The following FER1L6 variants were observed in gnomAD, a reference collection of about 807,000 sequenced individuals.
FER1L6 encodes fer-1 like family member 6, also known as fer-1-like protein 6.
Under a neutral mutation model 219.2 loss-of-function variants are expected in FER1L6, and 177 were observed. That is an observed-to-expected ratio of 0.81 (90% CI 0.71 to 0.91). The LOEUF (loss-of-function observed/expected upper bound fraction) is 0.91, where lower values mean the gene tolerates loss of function less well. Ranked by LOEUF, FER1L6 falls within the 40% of genes least tolerant of loss-of-function variation. FER1L6 has a pLI of 0.00. For synonymous variants in FER1L6, 768 were observed against 824.3 expected, an observed-to-expected ratio of 0.93 and a Z score of 1.17; for missense variants, 2,153 against 2,259.9, an observed-to-expected ratio of 0.95 and a Z score of 0.96.
chr8:124,014,029 C>T (rs1818066740), intron 15 of FER1L6, among the ~76,000 whole-genome samples: 1 of 151,778 alleles, frequency 6.6e-6, no homozygotes, highest in South Asian at 2.1e-4. Context: ...TGAGGGAAAA[C>T]CTTCCCTCCT....
chr8:123,934,551 G>C (rs1395108814), intron 1 of FER1L6, among the ~76,000 whole-genome samples: 1 of 149,362 alleles, frequency 6.7e-6, no homozygotes, highest in African/African-American at 2.5e-5. Context: ...TTTTTTCCTA[G>C]AGAAGCACTT....
At chr8:123,969,548 A>G (rs1815701861) in intron 5 of FER1L6, among the ~76,000 whole-genome samples, 1 of 152,204 alleles carries the variant, frequency 6.6e-6, no homozygotes, top group African/African-American at 2.4e-5. Context: ...TCTATTCAAA[A>G]GTTATATGCA....
chr8:124,010,859 T>C, intron 14 of FER1L6, 145 bp downstream of exon 14: 1 of 1,162,378 alleles, frequency 8.6e-7, no homozygotes, highest in South Asian at 1.6e-5. Flanking sequence ...ACGTGGATCC[T>C]ACTATGCAAA....
intron 1 of FER1L6, among the ~76,000 whole-genome samples, chr8:123,909,222 AGCC>A (rs1813008554): frequency 6.6e-6 from 1 of 152,158 alleles, no homozygotes; most frequent in Admixed American, 6.5e-5. Flanking sequence ...GAAAGCTGCA[AGCC>A]AAGCTTGGGA....
chr8:123,971,437 T>C (rs957900795), intron 6 of FER1L6, among the ~76,000 whole-genome samples: 9 of 152,280 alleles, frequency 5.9e-5, no homozygotes, highest in Admixed American at 2.6e-4. Context: ...ATCAGCTCCA[T>C]AGGAGGCTTC....
chr8:123,912,013 T>C (rs1813055230), intron 1 of FER1L6, among the ~76,000 whole-genome samples: 1 of 152,142 alleles, frequency 6.6e-6, no homozygotes, highest in African/African-American at 2.4e-5. Context: ...CTGTTTGGCA[T>C]GGAGTGAGCA....
Position 124,064,348 on chromosome 8 carries a change from T to G in FER1L6, c.3330T>G (p.Asp1110Glu), listed in dbSNP as rs7012186. The G allele has an allele frequency of 0.84, 1,353,660 of 1,612,050 alleles. 570,219 individuals are homozygous for G. The highest frequency in any genetic ancestry group is 0.86 in the Non-Finnish European group (1,008,613 of 1,179,088). The stretch of plus-strand genomic sequence containing the variant: ...TGACCTGATGTGCTTTCATTTCAGA[T>G]ATTTCAGATTCGCTAACAGCCACTG... ...TQVDGTQPGH[D>E]ISDSLTATES... Residue 1110 changes from aspartate to glutamate, a missense_variant and splice_region_variant, in exon 26 of 41, where the codon GAT (aspartate) becomes GAG (glutamate). By Grantham distance (45) the Asp-to-Glu change is conservative (BLOSUM62 2). Coordinates refer to ENST00000522917, the MANE Select transcript of FER1L6 (RefSeq NM_001039112.2).
chr8:123,852,532 G>A lies in FER1L6; in HGVS notation c.-8+347G>A, dbSNP rs1816532015. 6.6e-6 allele frequency among the ~76,000 whole-genome samples: 1 copy of A among 151,132 alleles called. No homozygotes were observed. The highest frequency in any genetic ancestry group is 6.6e-5 in the Admixed American group (1 of 15,172). ...TGTGTGTTTGACAGAGACAGAGGGAGGAGAAAGAAGAGAGACTGGTAAAAT... is the reference window on the plus strand; with the variant it reads ...TGTGTGTTTGACAGAGACAGAGGGAAGAGAAAGAAGAGAGACTGGTAAAAT... On this transcript the variant is annotated intron_variant, in intron 1 of 40. Transcript: ENST00000522917. The surrounding 1 kb of genome is among the most constrained non-coding windows in gnomAD (Gnocchi z 4.9).
rs1212506229 is a variant in FER1L6, at chr8:123,976,020, C to T, written c.806C>T (p.Ala269Val). The T allele has an allele frequency of 5.6e-6, 9 of 1,613,972 alleles. No individual in the cohort carries two copies. The highest frequency in any genetic ancestry group is 5.9e-6 in the Non-Finnish European group (7 of 1,179,958). ...AGCATCATGGCGAACGTCACCAAGGCATTTGTGGGTGACAGTAAGGACCTG... is the reference window on the plus strand; with the variant it reads ...AGCATCATGGCGAACGTCACCAAGGTATTTGTGGGTGACAGTAAGGACCTG... ...NSSIMANVTK[A>V]FVGDSKDLVD... The change falls in exon 9 of 41, where the codon GCA (alanine) becomes GTA (valine). Residue 269 changes from alanine to valine, a missense_variant. By Grantham distance (64) the Ala-to-Val change is moderately conservative. Transcript: ENST00000522917.
At chr8:124,100,501 A>T (rs575888809) in intron 37 of FER1L6, among the ~76,000 whole-genome samples, 1 of 152,234 alleles carries the variant, frequency 6.6e-6, no homozygotes. Flanking sequence ...TAAGTGATAC[A>T]GTCAGAGTTG....
chr8:123,980,839 T>G, intron 11 of FER1L6, 28 bp downstream of exon 11: 1 of 1,569,618 alleles, frequency 6.4e-7, no homozygotes, highest in Non-Finnish European at 8.7e-7. Flanking sequence ...ATTATGGTAC[T>G]TTACCTATGA....
intron 1 of FER1L6, among the ~76,000 whole-genome samples, chr8:123,859,360 C>A (rs1167571563): frequency 6.6e-6 from 1 of 151,842 alleles, no homozygotes; most frequent in Admixed American, 6.6e-5. Flanking sequence ...AAGAGTCAGT[C>A]AAGCTAATCC....
At chr8:123,980,434 A>G (rs756642524) in intron 10 of FER1L6, 31 bp from the exon 11 acceptor site, 3 of 1,526,570 alleles carry the variant, frequency 2.0e-6, no homozygotes, top group Non-Finnish European at 2.7e-6. Context: ...CAAAAACATA[A>G]TGAGATAACT....
intron 1 of FER1L6, among the ~76,000 whole-genome samples, chr8:123,859,389 C>T (rs140918217): frequency 3.2e-4 from 49 of 152,244 alleles, no homozygotes; most frequent in East Asian, 5.8e-4. Flanking sequence ...ACCAATTTAT[C>T]GCTTTTTTGT....
intron 1 of FER1L6, among the ~76,000 whole-genome samples, chr8:123,885,004 G>C (rs545940723): frequency 3.3e-4 from 51 of 152,272 alleles, no homozygotes; most frequent in Admixed American, 1.0e-3. Flanking sequence ...AAAGAGAAAA[G>C]AACCAACAGA....
At chr8:123,925,518 A>T (rs1381853255) in intron 1 of FER1L6, among the ~76,000 whole-genome samples, 1 of 152,242 alleles carries the variant, frequency 6.6e-6, no homozygotes, top group Non-Finnish European at 1.5e-5. Flanking sequence ...CAATTTTGTA[A>T]TTTTGGTGGC....
chr8:124,041,467 G>A (rs894652500), intron 20 of FER1L6, among the ~76,000 whole-genome samples: 1 of 152,162 alleles, frequency 6.6e-6, no homozygotes, highest in Admixed American at 6.5e-5. Context: ...CACATTCATT[G>A]AACCAGTGCC....
chr8:123,971,653 C>T (rs1815820670), intron 6 of FER1L6, among the ~76,000 whole-genome samples: 1 of 152,144 alleles, frequency 6.6e-6, no homozygotes, highest in Admixed American at 6.5e-5. Context: ...TAAAATCTTC[C>T]CTTGAGAGGG....
chr8:123,870,265 G>T (rs1816903465), intron 1 of FER1L6, among the ~76,000 whole-genome samples: 1 of 152,164 alleles, frequency 6.6e-6, no homozygotes, highest in South Asian at 2.1e-4. Context: ...GCTAAATATA[G>T]TCCTAACATA....
Sources: allele counts gnomAD v4.1 joint callset (sites outside exome capture counted in the v4.1 genomes callset), GRCh38; gene constraint gnomAD v4.1.1; non-coding constraint Gnocchi (gnomAD v3.1); transcripts MANE v1.5; gene names NCBI Gene and HGNC (gene_info 2026-07-23, HGNC 2026-07-21).